Variants in ASIC2 observed in about 807,000 individuals in gnomAD.
ASIC2 encodes the protein acid sensing ion channel subunit 2, also known as acid-sensing ion channel 2.
A neutral mutation model predicts 57.3 loss-of-function variants in ASIC2; 25 were observed. The observed-to-expected ratio is 0.44, with a 90% CI of 0.32 to 0.61. The LOEUF (loss-of-function observed/expected upper bound fraction) is 0.61, where lower values mean the gene tolerates loss of function less well. Ranked by LOEUF, ASIC2 falls within the 20% of genes least tolerant of loss-of-function variation. The pLI is 0.06. For missense variants in ASIC2, 641 were observed against 738.1 expected, an observed-to-expected ratio of 0.87 and a Z score of 1.52; for synonymous variants, 319 against 307.5, an observed-to-expected ratio of 1.04 and a Z score of -0.39.
At chr17:33,244,269 T>C (rs896832110) in intron 1 of ASIC2, among the ~76,000 whole-genome samples, 2 of 152,218 alleles carry the variant, frequency 1.3e-5, no homozygotes, top group African/African-American at 4.8e-5. Context: ...ACTGTGTATT[T>C]GCCTGCTATT....
intron 1 of ASIC2, among the ~76,000 whole-genome samples, chr17:33,690,170 C>T (rs892434765): frequency 4.6e-5 from 7 of 152,196 alleles, no homozygotes; most frequent in South Asian, 2.1e-4. Flanking sequence ...ATAGAAATCT[C>T]TTCATATCAA....
At chr17:33,302,327 G>C (rs1905992179) in intron 1 of ASIC2, among the ~76,000 whole-genome samples, 1 of 152,152 alleles carries the variant, frequency 6.6e-6, no homozygotes, top group South Asian at 2.1e-4. Context: ...AGCTAAAATA[G>C]GATTTAATGA....
In ASIC2 at chr17:33,997,307, ATTTTTTTTT is replaced by A. The variant is rs71147411; in HGVS notation, c.555+158662_555+158670del. On this transcript the variant is annotated intron_variant, in intron 1 of 9. Transcript: ENST00000359872. ...AGGCACTTTCCACCATGCACGGTTA[ATTTTTTTTT>A]TTTTTTTTTTTTTTTTTTGTAAAGA... Among the ~76,000 whole-genome samples, 50 of 85,790 alleles carry A rather than the reference ATTTTTTTTT, an allele frequency of 5.8e-4. No individual in the cohort carries two copies. In the East Asian group the frequency reaches 6.2e-3, roughly 11 times the overall value. 56.3% of individuals were successfully genotyped at this position (85,790 alleles called of 152,430 possible).
chr17:33,176,857 A>G (rs1015082827), intron 1 of ASIC2, among the ~76,000 whole-genome samples: 4 of 152,174 alleles, frequency 2.6e-5, no homozygotes, highest in African/African-American at 9.7e-5. Context: ...TAGAATGGCC[A>G]CCAAGGGAAG....
chr17:33,932,728 AAAAAAAAAAAAAAAT>A (rs1915963194), intron 1 of ASIC2: 1 of 130,304 alleles, frequency 7.7e-6, no homozygotes, highest in South Asian at 2.5e-4. Context: ...AAAAAAAAAA[AAAAAAAAAAAAAAAT>A]ATATATATAT....
At chr17:34,137,018 C>G (rs374411927) in intron 1 of ASIC2, among the ~76,000 whole-genome samples, 5 of 152,322 alleles carry the variant, frequency 3.3e-5, no homozygotes, top group African/African-American at 1.2e-4. Flanking sequence ...GAAGGCAGAG[C>G]TAAAATGCTA....
chr17:33,278,880 G>A (rs1046553312), intron 1 of ASIC2, among the ~76,000 whole-genome samples: 2 of 152,100 alleles, frequency 1.3e-5, no homozygotes, highest in African/African-American at 4.8e-5. Context: ...AGCCAGACAT[G>A]GCCCTTGCCC....
intron 1 of ASIC2, among the ~76,000 whole-genome samples, chr17:33,697,945 G>A (rs775163243): frequency 7.9e-5 from 12 of 152,220 alleles, no homozygotes; most frequent in East Asian, 1.9e-4. Flanking sequence ...TGTACTGCAC[G>A]TTGTAGATAG....
chr17:33,796,849 A>G (rs992418278), intron 1 of ASIC2, among the ~76,000 whole-genome samples: 2 of 152,212 alleles, frequency 1.3e-5, no homozygotes, highest in East Asian at 3.8e-4. Context: ...CTCATGTACT[A>G]AAGGTGTGAT....
chr17:33,254,617 C>T (rs922746634), intron 1 of ASIC2, among the ~76,000 whole-genome samples: 6 of 152,232 alleles, frequency 3.9e-5, no homozygotes, highest in African/African-American at 1.4e-4. Flanking sequence ...TCTATTCATC[C>T]TTCAGAAGGT....
At chr17:33,168,989 G>A (rs917482729) in intron 1 of ASIC2, among the ~76,000 whole-genome samples, 2 of 152,198 alleles carry the variant, frequency 1.3e-5, no homozygotes, top group African/African-American at 4.8e-5. Flanking sequence ...AAATCTTCAA[G>A]GATGCCTGTC....
intron 1 of ASIC2, among the ~76,000 whole-genome samples, chr17:33,130,234 A>G (rs1242974976): frequency 1.3e-5 from 2 of 152,106 alleles, no homozygotes; most frequent in Non-Finnish European, 2.9e-5. Flanking sequence ...TTTTTGCAAC[A>G]ACAAAAAAGC....
rs1423125590 is a variant in ASIC2 at position 33,013,574 on chromosome 17, G to C, written c.*391C>G. The C allele has an allele frequency of 4.8e-6, 1 of 209,876 alleles. No individual in the cohort carries two copies. The highest frequency in any genetic ancestry group is 2.2e-5 in the African/African-American group (1 of 44,720). The allele number at this position is 209,876 out of a possible 1,614,324, so 13.0% of individuals were successfully genotyped here. A position where few individuals can be genotyped will look rare whatever the true frequency, so the allele number is the denominator to read the frequency against. ...TGGCCTCATGGTGACTTTGGACCTG[G>C]AATCTGGTCCCACTGCACGGGCAGC... is the stretch of plus-strand genomic sequence containing the variant. On this transcript the variant is annotated 3_prime_UTR_variant, in exon 10 of 10. Transcript: ENST00000225823.
chr17:33,464,484 C>G (rs867679192), intron 1 of ASIC2, among the ~76,000 whole-genome samples: 1 of 36,730 alleles, frequency 2.7e-5, no homozygotes, highest in South Asian at 1.2e-3. Context: ...TCTTTTCTCT[C>G]TTTCTTTCTT....
intron 3 of ASIC2, among the ~76,000 whole-genome samples, chr17:33,063,317 G>A (rs2092028763): frequency 1.3e-5 from 2 of 152,178 alleles, no homozygotes; most frequent in Non-Finnish European, 2.9e-5. Context: ...TCCTTTCCAT[G>A]TTTAGTGCTT....
intron 1 of ASIC2, among the ~76,000 whole-genome samples, chr17:33,564,619 A>C (rs894988344): frequency 6.6e-6 from 1 of 152,242 alleles, no homozygotes; most frequent in Non-Finnish European, 1.5e-5. Context: ...CCTGCCATGC[A>C]CACCTCGAAG....
intron 1 of ASIC2, among the ~76,000 whole-genome samples, chr17:33,569,738 G>A (rs1440917041): frequency 6.6e-6 from 1 of 151,464 alleles, no homozygotes; most frequent in Non-Finnish European, 1.5e-5. Flanking sequence ...CTATCCATCC[G>A]TCCATCCATC....
intron 1 of ASIC2, among the ~76,000 whole-genome samples, chr17:33,344,591 G>A (rs1205060763): frequency 6.6e-6 from 1 of 152,116 alleles, no homozygotes; most frequent in South Asian, 2.1e-4. Flanking sequence ...TGTAAACTGA[G>A]GCTAAAAAGT....
At chr17:34,039,024 C>G in intron 1 of ASIC2, 1 of 1,614,190 alleles carries the variant, frequency 6.2e-7, no homozygotes, top group Non-Finnish European at 8.5e-7. Context: ...CTCTACACGC[C>G]ATCTTCTCTT....
Sources: gnomAD v4.1 joint callset for allele counts (sites outside exome capture counted in the v4.1 genomes callset) on GRCh38, gnomAD v4.1.1 for gene constraint, MANE v1.5 for transcripts, NCBI Gene and HGNC (gene_info 2026-07-23, HGNC 2026-07-21) for gene names.